The following BTRC variants were observed in gnomAD, a reference collection of about 807,000 sequenced individuals.
The protein encoded by BTRC is F-box/WD repeat-containing protein 1A.
In BTRC, 42 loss-of-function variants were observed where a neutral mutation model predicts 85.5. That is an observed-to-expected ratio of 0.49 (90% CI 0.38 to 0.64). The LOEUF (loss-of-function observed/expected upper bound fraction) is 0.64. Ranked by LOEUF, BTRC falls within the 30% of genes least tolerant of loss-of-function variation. The pLI, the probability that BTRC is intolerant of heterozygous loss-of-function variation, is 0.00. For missense variants in BTRC, 594 were observed against 743.5 expected (o/e 0.80, Z 2.34); for synonymous variants, 255 against 263.3 (o/e 0.97, Z 0.30).
At chr10:101,548,783 A>G (rs539757982) in intron 13 of BTRC, among the ~76,000 whole-genome samples, 1 of 152,064 alleles carries the variant, frequency 6.6e-6, no homozygotes, top group Admixed American at 6.6e-5. Flanking sequence ...GGCTGGGCAC[A>G]GTAGCTAAGG....
intron 1 of BTRC, among the ~76,000 whole-genome samples, chr10:101,404,642 C>T (rs951010924): frequency 6.6e-6 from 1 of 152,090 alleles, no homozygotes; most frequent in African/African-American, 2.4e-5. Flanking sequence ...ATATTCCATG[C>T]GTGTGCCACT....
chr10:101,527,392 T>C (rs1348468605), intron 6 of BTRC, among the ~76,000 whole-genome samples: 3 of 152,216 alleles, frequency 2.0e-5, no homozygotes, highest in African/African-American at 4.8e-5. Flanking sequence ...AGGAAGACTG[T>C]TTAAATTTTT....
At chr10:101,520,097 G>A (rs926662123) in intron 4 of BTRC, among the ~76,000 whole-genome samples, 32 of 152,072 alleles carry the variant, frequency 2.1e-4, no homozygotes, top group African/African-American at 7.7e-4. Context: ...TTTCTTCATA[G>A]CACTACCTAC....
chr10:101,384,329 G>A (rs964155706), intron 1 of BTRC, among the ~76,000 whole-genome samples: 16 of 152,152 alleles, frequency 1.1e-4, no homozygotes, highest in African/African-American at 3.4e-4. Context: ...TGCTTCCCAG[G>A]CTAAATCACA....
intron 13 of BTRC, among the ~76,000 whole-genome samples, chr10:101,539,192 G>T (rs762962983): frequency 1.3e-5 from 2 of 152,068 alleles, no homozygotes; most frequent in Non-Finnish European, 2.9e-5. Flanking sequence ...TGACATTTGG[G>T]GAAAAAAGTG....
chr10:101,362,604 AG>A (rs1942243849), intron 1 of BTRC, among the ~76,000 whole-genome samples: 1 of 151,178 alleles, frequency 6.6e-6, no homozygotes, highest in Non-Finnish European at 1.5e-5. Flanking sequence ...CATGTTGGTC[AG>A]GCTGGTCTTG....
At chr10:101,438,422 CA>C (rs34955428) in intron 2 of BTRC, among the ~76,000 whole-genome samples, 5 of 57,760 alleles carry the variant, frequency 8.7e-5, no homozygotes, top group African/African-American at 3.1e-4. Context: ...GAGACTGCCT[CA>C]AAAAAAAAAA....
intron 4 of BTRC, among the ~76,000 whole-genome samples, chr10:101,505,946 G>A (rs757177690): frequency 4.0e-5 from 6 of 149,384 alleles, no homozygotes; most frequent in Non-Finnish European, 8.9e-5. Context: ...ACGGAGTCTC[G>A]CTGTGTCGCC....
chr10:101,520,099 A>T (rs1398257264), intron 4 of BTRC, among the ~76,000 whole-genome samples: 1 of 152,094 alleles, frequency 6.6e-6, no homozygotes. Context: ...TCTTCATAGC[A>T]CTACCTACAT....
rs1213753324 is a variant in BTRC at position 101,526,047 on chromosome 10, G to C, written c.591G>C (p.Leu197=). 2 of 1,614,028 alleles carry C rather than the reference G, an allele frequency of 1.2e-6. No individual in the cohort carries two copies. The highest frequency in any genetic ancestry group is 2.7e-5 in the African/African-American group (2 of 74,900). Residue 197 remains leucine, a synonymous_variant, in exon 6 of 15, where the codon CTG becomes CTC. Coordinates refer to ENST00000370187, the MANE Select transcript of BTRC (RefSeq NM_033637.4). ...RGLDHIAENI[L]SYLDAKSLCA... ...TGGATCATATTGCTGAGAACATTCT[G>C]TCATACCTGGATGCCAAATCACTAT...
chr10:101,476,051 A>G (rs912994690), intron 3 of BTRC, among the ~76,000 whole-genome samples: 2 of 151,138 alleles, frequency 1.3e-5, no homozygotes, highest in Non-Finnish European at 2.9e-5. Flanking sequence ...CAGAAATACC[A>G]GCATACCTTC....
intron 4 of BTRC, among the ~76,000 whole-genome samples, chr10:101,494,739 A>G (rs1007789453): frequency 6.6e-6 from 1 of 152,212 alleles, no homozygotes; most frequent in Non-Finnish European, 1.5e-5. Flanking sequence ...AGCCCCTTGT[A>G]TTTCTGGCTG....
At chr10:101,516,876 C>A (rs924688581) in intron 4 of BTRC, among the ~76,000 whole-genome samples, 14 of 152,124 alleles carry the variant, frequency 9.2e-5, no homozygotes, top group African/African-American at 3.4e-4. Flanking sequence ...AAACAGTACT[C>A]CAGTAGCACC....
rs1320130900 is a variant in BTRC, at chr10:101,505,175, A to ATT, written c.325-16463_325-16462insTT. Among the ~76,000 whole-genome samples the ATT allele has an allele frequency of 1.7e-3, 244 of 141,198 alleles. 2 individuals carry two copies. Among genetic ancestry groups the ATT allele is most frequent in the African/African-American group, 5.8e-3 (227 of 38,994 alleles). 92.6% of individuals were successfully genotyped at this position (141,198 alleles called of 152,430 possible). On this transcript the variant is annotated intron_variant, in intron 4 of 14. Coordinates refer to ENST00000370187, the MANE Select transcript of BTRC (RefSeq NM_033637.4). ...TGTATATGTATATATATATATATAT[A>ATT]TATTTTTTAGTAGACACGAGGTTTC...
intron 1 of BTRC, among the ~76,000 whole-genome samples, chr10:101,375,782 A>T (rs1427269214): frequency 6.6e-6 from 1 of 152,212 alleles, no homozygotes; most frequent in Non-Finnish European, 1.5e-5. Context: ...ACAGATTCTT[A>T]GTTCTTTTTC....
Position 101,516,873 on chromosome 10 carries a change from A to C in BTRC, c.325-4766A>C, listed in dbSNP as rs143804612. 2.2e-3 allele frequency among the ~76,000 whole-genome samples: 342 copies of C among 152,302 alleles called. 1 individual carries two copies. The highest frequency in any genetic ancestry group is 0.01 in the Middle Eastern group (3 of 294). On this transcript the variant is annotated intron_variant, in intron 4 of 14. Coordinates refer to ENST00000370187, the MANE Select transcript of BTRC (RefSeq NM_033637.4). Reference sequence around the variant, plus strand: ...TTCTGGTCTTTATCCAGAAAACAGTACTCCAGTAGCACCCAACTCATGTCC... The same window carrying C: ...TTCTGGTCTTTATCCAGAAAACAGTCCTCCAGTAGCACCCAACTCATGTCC...
intron 1 of BTRC, among the ~76,000 whole-genome samples, chr10:101,427,154 T>G (rs1233466171): frequency 1.4e-5 from 2 of 144,446 alleles, no homozygotes; most frequent in African/African-American, 5.1e-5. Flanking sequence ...AGTCTTGTTC[T>G]GTCGCCAGGC....
chr10:101,357,046 G>A (rs1056206985), intron 1 of BTRC, among the ~76,000 whole-genome samples: 1 of 147,034 alleles, frequency 6.8e-6, no homozygotes, highest in African/African-American at 2.5e-5. Flanking sequence ...GGAGAATGGC[G>A]TGAACCCGGG....
intron 1 of BTRC, among the ~76,000 whole-genome samples, chr10:101,366,888 T>A (rs12218009): frequency 1.6e-4 from 4 of 24,642 alleles, no homozygotes; most frequent in Admixed American, 8.1e-4. Flanking sequence ...TTATATATAT[T>A]TATATATATT....
Sources: allele counts gnomAD v4.1 joint callset (sites outside exome capture counted in the v4.1 genomes callset), GRCh38; gene constraint gnomAD v4.1.1; transcripts MANE v1.5; gene names NCBI Gene and HGNC (gene_info 2026-07-23, HGNC 2026-07-21).